Variants in MSRA observed in about 807,000 individuals in gnomAD.
MSRA encodes the protein methionine sulfoxide reductase A.
MSRA carries 54 observed loss-of-function variants against 31.3 expected under a neutral mutation model. The observed-to-expected ratio is 1.73, with a 90% CI of 1.39 to 2.17. The LOEUF is 2.17. MSRA is among the 30% of genes most tolerant of loss of function. The probability of loss-of-function intolerance (pLI) is 0.00; values close to 1 mark genes in which losing one functional copy is unlikely to be tolerated. For synonymous variants in MSRA, 169 were observed against 116.5 expected, an observed-to-expected ratio of 1.45 and a Z score of -2.90; for missense variants, 507 against 300.9, an observed-to-expected ratio of 1.69 and a Z score of -5.07.
At chr8:10,061,400 A>T (rs886082395) in intron 1 of MSRA, among the ~76,000 whole-genome samples, 2 of 152,158 alleles carry the variant, frequency 1.3e-5, no homozygotes, top group African/African-American at 4.8e-5. Context: ...TCTCCCGGAA[A>T]CCCATCCTTT....
chr8:10,178,140 G>A (rs1163940523), intron 1 of MSRA, among the ~76,000 whole-genome samples: 1 of 152,146 alleles, frequency 6.6e-6, no homozygotes, highest in African/African-American at 2.4e-5. Flanking sequence ...TTGTAAAGAG[G>A]CTGCCTAATT....
At chr8:10,250,586 A>C in intron 3 of MSRA, 1 of 660,236 alleles carries the variant, frequency 1.5e-6, no homozygotes, top group South Asian at 1.7e-5. Flanking sequence ...TTTCCTTATC[A>C]ACAGAATACT....
rs542074662 is a variant in MSRA, at chr8:10,404,457, G to C, written c.544-23691G>C. 2.6e-5 allele frequency among the ~76,000 whole-genome samples: 4 copies of C among 152,174 alleles called. No individual in the cohort carries two copies. The East Asian group carries it at 7.7e-4, about 29-fold the overall frequency. On this transcript the variant is annotated intron_variant, in intron 5 of 5. Transcript: ENST00000317173. ...GGCGGGTGTGGGATCCATCACGCCC[G>C]CCCACGTGGATGGCTTCAAAGTGAA...
intron 4 of MSRA, among the ~76,000 whole-genome samples, chr8:10,303,584 T>C (rs1214782470): frequency 1.3e-5 from 2 of 152,194 alleles, no homozygotes; most frequent in Non-Finnish European, 2.9e-5. Context: ...CCAGCTGAAT[T>C]CAGAGAACCA....
intron 1 of MSRA, among the ~76,000 whole-genome samples, chr8:10,158,697 G>T (rs1173647780): frequency 6.6e-6 from 1 of 151,982 alleles, no homozygotes; most frequent in African/African-American, 2.4e-5. Flanking sequence ...GAATATTTGT[G>T]TACAGTTTTT....
chr8:10,421,519 T>C (rs766449214), intron 5 of MSRA, among the ~76,000 whole-genome samples: 2 of 151,774 alleles, frequency 1.3e-5, no homozygotes, highest in African/African-American at 2.4e-5. Context: ...GTCACCTCCA[T>C]GTAATAGGCT....
At chr8:10,303,248 T>C (rs1800943566) in intron 4 of MSRA, among the ~76,000 whole-genome samples, 1 of 152,256 alleles carries the variant, frequency 6.6e-6, no homozygotes, top group Non-Finnish European at 1.5e-5. Flanking sequence ...GGCTTAGGCC[T>C]GGCAGAATTG....
chr8:10,401,345 A>G (rs1198048649), intron 5 of MSRA, among the ~76,000 whole-genome samples: 1 of 152,208 alleles, frequency 6.6e-6, no homozygotes, highest in Non-Finnish European at 1.5e-5. Context: ...GCAAATCAAA[A>G]CTACAGTGAG....
At chr8:10,066,097 A>G (rs889977638) in intron 1 of MSRA, among the ~76,000 whole-genome samples, 1 of 152,082 alleles carries the variant, frequency 6.6e-6, no homozygotes, top group African/African-American at 2.4e-5. Context: ...ATCTCGGCTC[A>G]CTGCACCCTC....
At chr8:10,243,158 G>A (rs930389205) in intron 2 of MSRA, among the ~76,000 whole-genome samples, 3 of 152,166 alleles carry the variant, frequency 2.0e-5, no homozygotes, top group Non-Finnish European at 2.9e-5. Flanking sequence ...GACCTTGTAC[G>A]TGAAGGTTGA....
At chr8:10,295,232 T>C (rs1422342864) in intron 3 of MSRA, among the ~76,000 whole-genome samples, 1 of 152,116 alleles carries the variant, frequency 6.6e-6, no homozygotes, top group African/African-American at 2.4e-5. Context: ...GCTCCTCAGC[T>C]GGGCACCATG....
chr8:10,277,502 G>A (rs945879151), intron 3 of MSRA, among the ~76,000 whole-genome samples: 3 of 152,070 alleles, frequency 2.0e-5, no homozygotes, highest in African/African-American at 7.3e-5. Flanking sequence ...AACTTCTGAT[G>A]TTTCCTACCC....
chr8:10,304,497 G>A (rs1420218807), intron 4 of MSRA, among the ~76,000 whole-genome samples: 1 of 152,172 alleles, frequency 6.6e-6, no homozygotes, highest in African/African-American at 2.4e-5. Context: ...AATAACTCTG[G>A]TATCAATGGA....
At chr8:10,122,773 A>G in intron 1 of MSRA, among the ~76,000 whole-genome samples, 1 of 152,144 alleles carries the variant, frequency 6.6e-6, no homozygotes, top group Non-Finnish European at 1.5e-5. Context: ...ACTTCTAAGT[A>G]AAAACATGAG....
chr8:10,278,214 T>C (rs370291524), intron 3 of MSRA, among the ~76,000 whole-genome samples: 3 of 152,306 alleles, frequency 2.0e-5, no homozygotes, highest in African/African-American at 7.2e-5. Flanking sequence ...CCACTTGGTC[T>C]GAGTAGAAGG....
chr8:10,325,339 A>G (rs2003225), intron 5 of MSRA, among the ~76,000 whole-genome samples: 65,992 of 151,786 alleles, frequency 0.43, 14,474 homozygotes, highest in Non-Finnish European at 0.46. Context: ...TATAATACGT[A>G]TATCTATATA....
intron 5 of MSRA, among the ~76,000 whole-genome samples, chr8:10,346,367 G>GC (rs1803775357): frequency 6.6e-6 from 1 of 152,188 alleles, no homozygotes; most frequent in Non-Finnish European, 1.5e-5. Flanking sequence ...TAACATGGCT[G>GC]CTGGTTCCCC....
chr8:10,171,758 A>C (rs1805607967), intron 1 of MSRA, among the ~76,000 whole-genome samples: 1 of 152,220 alleles, frequency 6.6e-6, no homozygotes, highest in African/African-American at 2.4e-5. Context: ...CAGTTTGTTT[A>C]GGTGGTAGTG....
intron 5 of MSRA, among the ~76,000 whole-genome samples, chr8:10,401,394 CAAAA>C (rs1807454199): frequency 1.3e-5 from 2 of 152,116 alleles, no homozygotes; most frequent in South Asian, 4.1e-4. Flanking sequence ...ATTATCAAAA[CAAAA>C]CAAAACAGAG....
Sources: allele counts gnomAD v4.1 joint callset (sites outside exome capture counted in the v4.1 genomes callset), GRCh38; gene constraint gnomAD v4.1.1; transcripts MANE v1.5; gene names NCBI Gene and HGNC (gene_info 2026-07-23, HGNC 2026-07-21).